The following CMPK2 variants were observed in gnomAD, a reference collection of about 807,000 sequenced individuals.
The protein encoded by CMPK2 is cytidine/uridine monophosphate kinase 2, also known as UMP-CMP kinase 2, mitochondrial.
A neutral mutation model predicts 33.4 loss-of-function variants in CMPK2; 32 were observed. The ratio of observed to expected loss-of-function variants is 0.96; its 90% confidence interval spans 0.72 to 1.29. CMPK2 has a LOEUF of 1.29. Among genes scored for constraint, CMPK2 ranks in the 50% most tolerant of loss-of-function variants. The pLI is 0.00. For missense variants in CMPK2, 672 were observed against 616.0 expected (o/e 1.09, Z -0.96); for synonymous variants, 299 against 275.3 (o/e 1.09, Z -0.85).
At chr2:6,851,764 G>A in intron 3 of CMPK2, 81 bp from the exon 4 acceptor site, 1 of 1,346,784 alleles carries the variant, frequency 7.4e-7, no homozygotes, top group Non-Finnish European at 1.0e-6. Flanking sequence ...CAGGAATGAT[G>A]AAACCAGGGT....
In CMPK2 at chr2:6,865,620, GC is replaced by G. The variant is rs1244144687; in HGVS notation, c.76del (p.Ala26ProfsTer22). 2 of 1,376,302 alleles carry G rather than the reference GC, an allele frequency of 1.5e-6. No individual in the cohort carries two copies. The highest frequency in any genetic ancestry group is 1.6e-5 in the South Asian group (1 of 61,024). 85.3% of individuals were successfully genotyped at this position (1,376,302 alleles called of 1,614,324 possible). On this transcript the variant is annotated frameshift_variant, in exon 1 of 5. Coordinates refer to ENST00000256722, the MANE Select transcript of CMPK2 (RefSeq NM_207315.4). LOFTEE classifies it high-confidence loss of function. Reference protein sequence around the residue: ...LLGRRGVCAGAMAPPRRFVLE... With the variant: ...LLGRRGVCAGXMAPPRRFVLE... ...GACGAAGCGGCGCGGCGGAGCCATGGCCCCAGCGCAGACCCCGCGCCGCCCG... is the reference window on the plus strand; with the variant it reads ...GACGAAGCGGCGCGGCGGAGCCATGGCCCAGCGCAGACCCCGCGCCGCCCG...
chr2:6,851,664 T>A lies in CMPK2; in HGVS notation c.1012A>T (p.Thr338Ser), dbSNP rs1412788829. 4.3e-6 allele frequency: 7 copies of A among 1,614,076 alleles called. 1 individual carries two copies. In the South Asian group the frequency reaches 6.6e-5, roughly 15 times the overall value. ...CTCACCTCAGTGGCTATGGCATAGG[T>A]GGCCGTGCTGTGCCAGTACCTGAGA... ...IVDRYWHSTA[T>S]YAIATEVSGG... Residue 338 changes from threonine to serine, a missense_variant, in exon 4 of 5, where the codon ACC (threonine) becomes TCC (serine). Transcript: ENST00000256722.
chr2:6,843,334 G>A (rs573309653), downstream of CMPK2, among the ~76,000 whole-genome samples: 32 of 152,334 alleles, frequency 2.1e-4, no homozygotes, highest in African/African-American at 7.7e-4. Context: ...TCATTAATGA[G>A]ATGGAGGTCC....
intron 3 of CMPK2, among the ~76,000 whole-genome samples, chr2:6,859,616 G>A (rs1662814734): frequency 1.3e-5 from 2 of 152,232 alleles, no homozygotes; most frequent in Non-Finnish European, 2.9e-5. Context: ...GTGGTGTTGA[G>A]CCTACAGGTA....
In CMPK2 at chr2:6,849,755, A is replaced by G. The variant is rs1572133260; in HGVS notation, c.*95T>C. 58 of 1,573,834 alleles carry G rather than the reference A, an allele frequency of 3.7e-5. No individual in the cohort carries two copies. In the South Asian group the frequency reaches 6.1e-4, roughly 16 times the overall value. On this transcript the variant is annotated 3_prime_UTR_variant, in exon 5 of 5. Coordinates refer to ENST00000256722, the MANE Select transcript of CMPK2 (RefSeq NM_207315.4). ...GTTTTCTGCCACACAACATGCTTGT[A>G]GAACAGAAATTTGGGAACACTGCAT...
intron 3 of CMPK2, among the ~76,000 whole-genome samples, chr2:6,856,954 A>G (rs1283766492): frequency 6.6e-6 from 1 of 152,236 alleles, no homozygotes; most frequent in Non-Finnish European, 1.5e-5. Context: ...GTATGAAGGA[A>G]GCTGAAAGAA....
rs564970250 is a variant in CMPK2, at chr2:6,861,089, C to T, written c.992+95G>A. The T allele has an allele frequency of 1.6e-3, 1,474 of 950,952 alleles. 7 individuals carry two copies. Among genetic ancestry groups the T allele is most frequent in the Non-Finnish European group, 2.2e-3 (1,349 of 618,278 alleles). 58.9% of individuals were successfully genotyped at this position (950,952 alleles called of 1,614,324 possible). ...ATTTTTTTCCTGGCATATACATGTA[C>T]GTATACACACACACGCACACACACA... On this transcript the variant is annotated intron_variant, in intron 3 of 4. Coordinates refer to ENST00000256722, the MANE Select transcript of CMPK2 (RefSeq NM_207315.4).
In CMPK2 at chr2:6,841,488, G is replaced by A. The variant is rs1662232923; in HGVS notation, c.993-810C>T. On this transcript the variant is annotated intron_variant, in intron 3 of 3. Coordinates refer to the CMPK2 transcript ENST00000458098. Reference sequence around the variant, plus strand: ...GAGAACAACCTCTGGGCTATTTGATGAGTTTTATTCTTTCCCAAGTGAAAA... The same window carrying A: ...GAGAACAACCTCTGGGCTATTTGATAAGTTTTATTCTTTCCCAAGTGAAAA... Among the ~76,000 whole-genome samples, 5 of 152,146 alleles carry A rather than the reference G, an allele frequency of 3.3e-5. No individual in the cohort carries two copies. The South Asian group carries it at 1.0e-3, about 32-fold the overall frequency.
chr2:6,844,578 A>G (rs570380881), downstream of CMPK2, among the ~76,000 whole-genome samples: 2 of 152,298 alleles, frequency 1.3e-5, no homozygotes, highest in Non-Finnish European at 2.9e-5. Flanking sequence ...TATTCAACTC[A>G]TCTATGGGAT....
chr2:6,847,046 C>T (rs1277686312), downstream of CMPK2, among the ~76,000 whole-genome samples: 2 of 152,150 alleles, frequency 1.3e-5, no homozygotes, highest in African/African-American at 4.8e-5. Context: ...AAGCTCTCTG[C>T]CAGCAGAAGG....
chr2:6,864,533 A>C (rs544966066), intron 1 of CMPK2: 2 of 152,738 alleles, frequency 1.3e-5, no homozygotes, highest in African/African-American at 4.8e-5. Flanking sequence ...GCAAGATGGG[A>C]ATTGTACATG....
At position 6,849,011 on chromosome 2, in the gene CMPK2, ATAT is replaced by A. The variant is rs1662432972; in HGVS notation, c.*836_*838del. 3.1e-6 allele frequency: 3 copies of A among 983,250 alleles called. No homozygotes were observed. The East Asian group carries it at 3.4e-4, about 112-fold the overall frequency. The allele number at this position is 983,250 out of a possible 1,614,324, so 60.9% of individuals were successfully genotyped here. A position where few individuals can be genotyped will look rare whatever the true frequency, so the allele number is the denominator to read the frequency against. On this transcript the variant is annotated 3_prime_UTR_variant, in exon 5 of 5. Coordinates refer to ENST00000256722, the MANE Select transcript of CMPK2 (RefSeq NM_207315.4). ...ATCATAGCTCCTATGCTGAGGAAAC[ATAT>A]TATGTATAGATTAATATAAATAAAT...
Position 6,863,448 on chromosome 2 carries a change from G to T in CMPK2, c.790+16C>A, listed in dbSNP as rs1309200229. The stretch of plus-strand genomic sequence containing the variant: ...TTAGTGTCATTGCCTATAACTAAAA[G>T]GTAATATTATCTTACCCGTGGCATC... On this transcript the variant is annotated intron_variant, in intron 2 of 4. Coordinates refer to ENST00000256722, the MANE Select transcript of CMPK2 (RefSeq NM_207315.4). 4 of 1,599,040 alleles carry T rather than the reference G, an allele frequency of 2.5e-6. No homozygotes were observed. The highest frequency in any genetic ancestry group is 3.4e-6 in the Non-Finnish European group (4 of 1,167,724).
At chr2:6,859,411 T>C (rs1323131643) in intron 3 of CMPK2, among the ~76,000 whole-genome samples, 1 of 152,194 alleles carries the variant, frequency 6.6e-6, no homozygotes. Context: ...AGACCTCTGC[T>C]GCTGCCCCTC....
At chr2:6,853,003 G>T (rs1482785558) in intron 3 of CMPK2, among the ~76,000 whole-genome samples, 2 of 152,182 alleles carry the variant, frequency 1.3e-5, no homozygotes, top group Non-Finnish European at 2.9e-5. Flanking sequence ...AGGCTGGAGT[G>T]CAGTGGCACG....
At chr2:6,859,279 T>G (rs2712043) in intron 3 of CMPK2, among the ~76,000 whole-genome samples, 1 of 152,198 alleles carries the variant, frequency 6.6e-6, no homozygotes, top group Non-Finnish European at 1.5e-5. Context: ...GACAATGTGA[T>G]AGAAAAGAAA....
At chr2:6,850,393 A>C (rs1662481100) in intron 4 of CMPK2, among the ~76,000 whole-genome samples, 1 of 152,224 alleles carries the variant, frequency 6.6e-6, no homozygotes, top group South Asian at 2.1e-4. Context: ...TAATATATGC[A>C]TGGGACTCTT....
At chr2:6,856,875 A>C (rs1225642686) in intron 3 of CMPK2, among the ~76,000 whole-genome samples, 2 of 152,170 alleles carry the variant, frequency 1.3e-5, no homozygotes, top group Admixed American at 1.3e-4. Context: ...TTTCCACCTT[A>C]TACATATGCT....
rs1384586633 is a variant in CMPK2 at position 6,849,582 on chromosome 2, T to C, written c.*268A>G. 8.2e-7 allele frequency: 1 copy of C among 1,223,870 alleles called. No individual in the cohort carries two copies. The allele number at this position is 1,223,870 out of a possible 1,614,324, so 75.8% of individuals were successfully genotyped here. A position where few individuals can be genotyped will look rare whatever the true frequency, so the allele number is the denominator to read the frequency against. ...TATTTGGTAGTGATTAAGTGAAACA[T>C]ATGTTCCAAGAAAATGTTTACTATG... On this transcript the variant is annotated 3_prime_UTR_variant, in exon 5 of 5. Transcript: ENST00000256722.
Sources: gnomAD v4.1 joint callset for allele counts (sites outside exome capture counted in the v4.1 genomes callset) on GRCh38, gnomAD v4.1.1 for gene constraint, MANE v1.5 for transcripts, NCBI Gene and HGNC (gene_info 2026-07-23, HGNC 2026-07-21) for gene names.